The following MYT1L variants were observed in gnomAD, a reference collection of about 807,000 sequenced individuals.
The protein encoded by MYT1L is myelin transcription factor 1 like.
MYT1L carries 12 observed loss-of-function variants against 126.7 expected under a neutral mutation model. The ratio of observed to expected loss-of-function variants is 0.09; its 90% CI spans 0.06 to 0.15. MYT1L has a LOEUF of 0.15. Ranked by LOEUF, MYT1L falls within the 10% of genes least tolerant of loss-of-function variation. The pLI is 1.00. For synonymous variants in MYT1L, 541 were observed against 604.2 expected (o/e 0.90, Z 1.53); for missense variants, 979 against 1,585.2 (o/e 0.62, Z 6.49).
chr2:2,045,195 T>C (rs547413863), intron 4 of MYT1L, among the ~76,000 whole-genome samples: 2 of 152,222 alleles, frequency 1.3e-5, no homozygotes, highest in Admixed American at 6.5e-5. Context: ...GAAACTCCCA[T>C]TAGCACTAAT....
intron 2 of MYT1L, among the ~76,000 whole-genome samples, chr2:2,201,030 GC>G (rs1445485593): frequency 2.0e-5 from 3 of 152,188 alleles, no homozygotes; most frequent in African/African-American, 7.2e-5. Context: ...ATGCACAAGT[GC>G]CCTAACTCAC....
chr2:2,251,865 G>C (rs1429503366), intron 2 of MYT1L, among the ~76,000 whole-genome samples: 1 of 149,646 alleles, frequency 6.7e-6, no homozygotes, highest in African/African-American at 2.5e-5. Flanking sequence ...GAGGGAGGAG[G>C]AAGGGAAGGA....
At chr2:2,030,037 G>A (rs1485255080) in intron 4 of MYT1L, among the ~76,000 whole-genome samples, 1 of 152,162 alleles carries the variant, frequency 6.6e-6, no homozygotes. Flanking sequence ...AGAGACCAAG[G>A]AAGGAGGCAT....
intron 2 of MYT1L, among the ~76,000 whole-genome samples, chr2:2,245,582 G>T (rs142635952): frequency 1.2e-3 from 187 of 151,962 alleles, no homozygotes; most frequent in African/African-American, 4.2e-3. Context: ...TCACTTAGCA[G>T]TTTCCGTGAA....
In MYT1L at chr2:1,801,979, C is replaced by A; in HGVS notation, c.3173-180G>T. On this transcript the variant is annotated intron_variant, in intron 22 of 24. Transcript: ENST00000647738. The surrounding 1 kb of genome is among the most constrained non-coding windows in gnomAD (Gnocchi z 4.2). ...GTGTCTTTCTATTCCCTACCACCGC[C>A]CCTTCCCCACCTAAGTTCCCCTACA... is the stretch of plus-strand genomic sequence containing the variant. 1.9e-6 allele frequency: 1 copy of A among 520,846 alleles called. No homozygotes were observed. The highest frequency in any genetic ancestry group is 3.4e-6 in the Non-Finnish European group (1 of 297,528). The allele number at this position is 520,846 out of a possible 1,614,324, so 32.3% of individuals were successfully genotyped here. A position where few individuals can be genotyped will look rare whatever the true frequency, so the allele number is the denominator to read the frequency against.
intron 2 of MYT1L, among the ~76,000 whole-genome samples, chr2:2,278,994 A>G (rs1433407929): frequency 6.6e-6 from 1 of 151,268 alleles, no homozygotes; most frequent in African/African-American, 2.4e-5. Context: ...AGGGCTCTGC[A>G]CTCCCCTCCC....
intron 9 of MYT1L, among the ~76,000 whole-genome samples, chr2:1,926,397 G>T (rs1321964661): frequency 3.3e-5 from 5 of 152,082 alleles, no homozygotes; most frequent in Non-Finnish European, 5.9e-5. Context: ...TCCCTTCCAG[G>T]TATGCTTTTC....
At chr2:2,092,108 T>C (rs1441923591) in intron 3 of MYT1L, among the ~76,000 whole-genome samples, 1 of 152,250 alleles carries the variant, frequency 6.6e-6, no homozygotes, top group African/African-American at 2.4e-5. Context: ...ATTGGCTGTT[T>C]AGCACAAGAA....
At chr2:2,085,152 C>T (rs1234174681) in intron 3 of MYT1L, among the ~76,000 whole-genome samples, 1 of 152,172 alleles carries the variant, frequency 6.6e-6, no homozygotes, top group Non-Finnish European at 1.5e-5. Flanking sequence ...CTGTCTCCAC[C>T]TTCTCCAAGA....
intron 8 of MYT1L, among the ~76,000 whole-genome samples, chr2:1,966,207 C>T (rs2059341011): frequency 1.3e-5 from 2 of 152,218 alleles, no homozygotes; most frequent in African/African-American, 2.4e-5. Flanking sequence ...AGGCAGGGGG[C>T]TCCTCTAACG....
chr2:1,923,063 C>A lies in MYT1L; in HGVS notation c.706G>T (p.Asp236Tyr). The A allele has an allele frequency of 6.2e-7, 1 of 1,614,016 alleles. No homozygotes were observed. Among genetic ancestry groups the A allele is most frequent in the Non-Finnish European group, 8.5e-7 (1 of 1,179,896 alleles). The part of the protein sequence containing the change: ...NSNTSNSLED[D>Y]SDKNENLGRK... Reference sequence around the variant, plus strand: ...CCCAGGTTTTCGTTTTTGTCACTATCGTCTTCCAGACTATTGGAGGTATTG... The same window carrying A: ...CCCAGGTTTTCGTTTTTGTCACTATAGTCTTCCAGACTATTGGAGGTATTG... The change falls in exon 10 of 25, where the codon GAT becomes TAT. Residue 236 changes from aspartate to tyrosine, a missense_variant. Transcript: ENST00000647738.
chr2:1,908,013 A>G (rs1290493972), intron 13 of MYT1L, among the ~76,000 whole-genome samples: 1 of 152,236 alleles, frequency 6.6e-6, no homozygotes, highest in East Asian at 1.9e-4. Flanking sequence ...GAGACCTCGC[A>G]CTGCAGTGAG....
At chr2:2,299,294 C>T (rs1303547666) in intron 1 of MYT1L, among the ~76,000 whole-genome samples, 2 of 152,230 alleles carry the variant, frequency 1.3e-5, no homozygotes, top group African/African-American at 4.8e-5. Context: ...CTGACAGCAG[C>T]CTGTGCCATG....
intron 21 of MYT1L, chr2:1,816,654 T>C (rs2037696791): frequency 6.5e-6 from 1 of 152,772 alleles, no homozygotes; most frequent in South Asian, 2.1e-4. Flanking sequence ...AGGATGGACA[T>C]GGTGCACGTT....
chr2:2,054,654 C>T (rs6716149), intron 3 of MYT1L, among the ~76,000 whole-genome samples: 2,329 of 146,598 alleles, frequency 0.016, 47 homozygotes, highest in African/African-American at 0.057. Flanking sequence ...ATGAGAGATA[C>T]GGAGATGAGG....
intron 3 of MYT1L, among the ~76,000 whole-genome samples, chr2:2,119,655 C>T (rs1427253484): frequency 6.6e-6 from 1 of 152,148 alleles, no homozygotes; most frequent in Non-Finnish European, 1.5e-5. Context: ...ACCTCAGTTC[C>T]TTACTTATTC....
chr2:1,986,159 G>C (rs561349890), intron 5 of MYT1L, among the ~76,000 whole-genome samples: 1 of 152,314 alleles, frequency 6.6e-6, no homozygotes, highest in African/African-American at 2.4e-5. Flanking sequence ...TTGTACTAAT[G>C]CATCTCTTGG....
intron 11 of MYT1L, among the ~76,000 whole-genome samples, chr2:1,915,297 G>A (rs897733702): frequency 3.3e-5 from 5 of 152,160 alleles, no homozygotes; most frequent in African/African-American, 4.8e-5. Context: ...CAGGAGCAAA[G>A]GCTGAGAAGC....
At chr2:2,222,177 A>C (rs2093893043) in intron 2 of MYT1L, among the ~76,000 whole-genome samples, 1 of 152,192 alleles carries the variant, frequency 6.6e-6, no homozygotes, top group Admixed American at 6.5e-5. Context: ...AACTCAGTGA[A>C]AAGGAGTTCA....
Sources: allele counts gnomAD v4.1 joint callset (sites outside exome capture counted in the v4.1 genomes callset), GRCh38; gene constraint gnomAD v4.1.1; non-coding constraint Gnocchi (gnomAD v3.1); transcripts MANE v1.5; gene names NCBI Gene and HGNC (gene_info 2026-07-23, HGNC 2026-07-21).